THUMPD1: variants seen among roughly 807,000 people sequenced by gnomAD.
THUMPD1 encodes the protein THUMP domain 1 NAT10 acetyltransferase adaptor, also known as THUMP domain-containing protein 1.
In THUMPD1, 31 loss-of-function variants were observed where a neutral mutation model predicts 31.6. The observed-to-expected ratio is 0.98, with a 90% CI of 0.74 to 1.32. THUMPD1 has a LOEUF of 1.32. Ranked by LOEUF, THUMPD1 falls within the 40% of genes most tolerant of loss-of-function variation. THUMPD1 has a pLI of 0.00. For missense variants in THUMPD1, 446 were observed against 427.8 expected (o/e 1.04, Z -0.38); for synonymous variants, 166 against 158.2 (o/e 1.05, Z -0.37).
Position 20,734,368 on chromosome 16 carries a change from T to A in THUMPD1, c.*2512A>T, listed in dbSNP as rs1342700462. The A allele has an allele frequency of 6.6e-6, 1 of 152,596 alleles. No individual in the cohort carries two copies. Among genetic ancestry groups the A allele is most frequent in the Non-Finnish European group, 1.5e-5 (1 of 68,016 alleles). The allele number at this position is 152,596 out of a possible 1,614,324, so 9.5% of individuals were successfully genotyped here. A position where few individuals can be genotyped will look rare whatever the true frequency, so the allele number is the denominator to read the frequency against. ...ATATTAATAATCCTCTTATCAATCA[T>A]TGCAAGGTAACTTCAATGTCATTAA... On this transcript the variant is annotated 3_prime_UTR_variant, in exon 4 of 4. Coordinates refer to ENST00000396083, the MANE Select transcript of THUMPD1 (RefSeq NM_017736.5).
At chr16:20,738,465 G>A (rs2152418742) in intron 2 of THUMPD1, among the ~76,000 whole-genome samples, 1 of 152,236 alleles carries the variant, frequency 6.6e-6, no homozygotes. Flanking sequence ...GCTGCAACTT[G>A]CCTACATACA....
chr16:20,740,055 C>G (rs573062174), intron 1 of THUMPD1, among the ~76,000 whole-genome samples: 1 of 152,210 alleles, frequency 6.6e-6, no homozygotes, highest in Admixed American at 6.5e-5. Flanking sequence ...AATTAAAAAC[C>G]CTTACTCTTG....
intron 2 of THUMPD1, chr16:20,738,336 A>G: frequency 2.4e-6 from 1 of 411,606 alleles, no homozygotes; most frequent in Non-Finnish European, 4.7e-6. Context: ...AAATTCTGTG[A>G]GTCACTTTAA....
In THUMPD1 at chr16:20,741,541, C is replaced by T; in HGVS notation, c.199G>A (p.Glu67Lys). Residue 67 changes from glutamate (E) to lysine (K), a missense_variant, in exon 1 of 4, where the codon GAA becomes AAA. Transcript: ENST00000396083. ...CVEEAYSLLN[E>K]YGDDMYGPEK... Reference sequence around the variant, plus strand: ...GGCCCATACATGTCGTCGCCGTATTCGTTGAGGAGGCTGTAGGCCTCCTCC... The same window carrying T: ...GGCCCATACATGTCGTCGCCGTATTTGTTGAGGAGGCTGTAGGCCTCCTCC... The T allele has an allele frequency of 7.4e-7, 1 of 1,347,384 alleles. No individual in the cohort carries two copies. The highest frequency in any genetic ancestry group is 9.8e-7 in the Non-Finnish European group (1 of 1,022,104). The allele number at this position is 1,347,384 out of a possible 1,614,324, so 83.5% of individuals were successfully genotyped here.
rs992054000 is a variant in THUMPD1, at chr16:20,741,752, CTG to C, written c.-15_-14del. The C allele has an allele frequency of 3.8e-6, 6 of 1,560,356 alleles. No individual in the cohort carries two copies. In the African/African-American group the frequency reaches 8.1e-5, roughly 21 times the overall value. On this transcript the variant is annotated 5_prime_UTR_variant, in exon 1 of 4. Coordinates refer to ENST00000396083, the MANE Select transcript of THUMPD1 (RefSeq NM_017736.5). ...CAGGGGCCGCCATGGTGTGCGCAAACTGAGAGGAAAGAGAAACGTTTCTCCGC... is the reference window on the plus strand; with the variant it reads ...CAGGGGCCGCCATGGTGTGCGCAAACAGAGGAAAGAGAAACGTTTCTCCGC...
In THUMPD1 at chr16:20,735,254, T is replaced by C. The variant is rs2079858895; in HGVS notation, c.*1626A>G. On this transcript the variant is annotated 3_prime_UTR_variant, in exon 4 of 4. Coordinates refer to ENST00000396083, the MANE Select transcript of THUMPD1 (RefSeq NM_017736.5). ...CAAAAGCTGGCTGTTTTATTGTAAG[T>C]ACTCTGGCAATTCACCTTTCAATTC... The C allele has an allele frequency of 6.6e-6, 1 of 152,200 alleles. No homozygotes were observed. Among genetic ancestry groups the C allele is most frequent in the Non-Finnish European group, 1.5e-5 (1 of 68,030 alleles). The allele number at this position is 152,200 out of a possible 1,614,324, so 9.4% of individuals were successfully genotyped here. A position where few individuals can be genotyped will look rare whatever the true frequency, so the allele number is the denominator to read the frequency against.
rs556024282 is a variant in THUMPD1 at position 20,741,506 on chromosome 16, T to G, written c.231+3A>C. On this transcript the variant is annotated splice_donor_region_variant and intron_variant, in intron 1 of 3. Transcript: ENST00000396083. ...GCCCGCCCGCCCACCCCGGGACCGG[T>G]ACCTTTTCTGGCCCATACATGTCGT... The G allele has an allele frequency of 9.2e-6, 3 of 327,658 alleles. No individual in the cohort carries two copies. The highest frequency in any genetic ancestry group is 2.6e-5 in the South Asian group (1 of 39,066). 20.3% of individuals were successfully genotyped at this position (327,658 alleles called of 1,614,324 possible). A position where few individuals can be genotyped will look rare whatever the true frequency, so the allele number is the denominator to read the frequency against.
At chr16:20,740,881 C>T (rs1214653580) in intron 1 of THUMPD1, among the ~76,000 whole-genome samples, 1 of 152,188 alleles carries the variant, frequency 6.6e-6, no homozygotes, top group Non-Finnish European at 1.5e-5. Context: ...CAGGTAAACA[C>T]ATTATTACTC....
chr16:20,738,895 A>C lies in THUMPD1; in HGVS notation c.406+2T>G. The C allele has an allele frequency of 6.2e-7, 1 of 1,614,026 alleles. No homozygotes were observed. Among genetic ancestry groups the C allele is most frequent in the South Asian group, 1.1e-5 (1 of 91,064 alleles). On this transcript the variant is annotated splice_donor_variant, in intron 2 of 3. Coordinates refer to ENST00000396083, the MANE Select transcript of THUMPD1 (RefSeq NM_017736.5). LOFTEE classifies it high-confidence loss of function. The stretch of plus-strand genomic sequence containing the variant: ...GATAATCTTAGCAAGTATTTGTCAC[A>C]CCTATCCCAAGTGTCCTGATGAAGA...
intron 1 of THUMPD1, 143 bp downstream of exon 1, chr16:20,741,366 G>T: frequency 9.3e-7 from 1 of 1,070,878 alleles, no homozygotes; most frequent in Non-Finnish European, 1.3e-6. Flanking sequence ...ACTAGGGACG[G>T]AAACGCCGGC....
rs961802683 is a variant in THUMPD1, at chr16:20,735,768, T to G, written c.*1112A>C. 6.6e-6 allele frequency: 1 copy of G among 152,240 alleles called. No individual in the cohort carries two copies. Among genetic ancestry groups the G allele is most frequent in the Non-Finnish European group, 1.5e-5 (1 of 68,040 alleles). The allele number at this position is 152,240 out of a possible 1,614,324, so 9.4% of individuals were successfully genotyped here. On this transcript the variant is annotated 3_prime_UTR_variant, in exon 4 of 4. Coordinates refer to ENST00000396083, the MANE Select transcript of THUMPD1 (RefSeq NM_017736.5). Reference sequence around the variant, plus strand: ...AAACCTGTTGACTCATCATCCTGGATAGAGAAGCTGCTACTTTTCAGTTAA... The same window carrying G: ...AAACCTGTTGACTCATCATCCTGGAGAGAGAAGCTGCTACTTTTCAGTTAA...
intron 1 of THUMPD1, 30 bp downstream of exon 1, chr16:20,741,479 C>CTGGGGG: frequency 7.5e-7 from 1 of 1,329,524 alleles, no homozygotes. Context: ...GCCTGGCAGC[C>CTGGGGG]GGCCCGCCCG....
At chr16:20,739,188 T>C (rs2079896555) in intron 1 of THUMPD1, 117 bp from the exon 2 acceptor site, 1 of 1,070,752 alleles carries the variant, frequency 9.3e-7, no homozygotes, top group Non-Finnish European at 1.3e-6. Flanking sequence ...TTTTTTTTTT[T>C]TTCTAAAGAT....
intron 3 of THUMPD1, 50 bp from the exon 4 acceptor site, chr16:20,737,336 TGATA>T (rs764770754): frequency 3.9e-6 from 6 of 1,523,052 alleles, no homozygotes; most frequent in South Asian, 1.3e-5. Context: ...CCATTACATC[TGATA>T]GATACAAAAA....
At chr16:20,741,383 A>G in intron 1 of THUMPD1, 126 bp downstream of exon 1, 1 of 1,219,124 alleles carries the variant, frequency 8.2e-7, no homozygotes, top group Non-Finnish European at 1.1e-6. Flanking sequence ...CGGCGAGGCC[A>G]CGCCCCTACA....
chr16:20,739,190 T>TC, intron 1 of THUMPD1, 119 bp from the exon 2 acceptor site: 1 of 860,378 alleles, frequency 1.2e-6, no homozygotes, highest in Non-Finnish European at 1.7e-6. Flanking sequence ...TTTTTTTTTT[T>TC]CTAAAGATGG....
Position 20,737,872 on chromosome 16 carries a change from G to A in THUMPD1, c.491C>T (p.Pro164Leu). The A allele has an allele frequency of 6.2e-7, 1 of 1,613,670 alleles. No individual in the cohort carries two copies. The highest frequency in any genetic ancestry group is 8.5e-7 in the Non-Finnish European group (1 of 1,179,876). The stretch of plus-strand genomic sequence containing the variant: ...AAAAGCCTTGCATGTGCCTGAGATG[G>A]GTAACATTCGCAAAATAACTCGAGT... ...KKTRVILRML[P>L]ISGTCKAFLE... is the part of the protein sequence containing the mutation. Residue 164 changes from proline (P) to leucine (L), a missense_variant, in exon 3 of 4, where the codon CCC becomes CTC. Transcript: ENST00000396083.
At position 20,741,810 on chromosome 16, in the gene THUMPD1, C is replaced by T. The variant is rs1341255010; in HGVS notation, c.-71G>A. ...TTGGCGTCCTCGTCTATCGCCGGCG[C>T]GAACTGGTGACGTCGGATATGAGCG... On this transcript the variant is annotated 5_prime_UTR_variant, in exon 1 of 4. Coordinates refer to ENST00000396083, the MANE Select transcript of THUMPD1 (RefSeq NM_017736.5). The T allele has an allele frequency of 6.5e-7, 1 of 1,543,110 alleles. No individual in the cohort carries two copies. The highest frequency in any genetic ancestry group is 2.4e-5 in the East Asian group (1 of 40,912).
Position 20,736,632 on chromosome 16 carries a change from C to T in THUMPD1, c.*248G>A, listed in dbSNP as rs976948223. 6.9e-6 allele frequency: 3 copies of T among 437,142 alleles called. No individual in the cohort carries two copies. Among genetic ancestry groups the T allele is most frequent in the African/African-American group, 5.9e-5 (3 of 51,038 alleles). 27.1% of individuals were successfully genotyped at this position (437,142 alleles called of 1,614,324 possible). ...AGAAGAGGAGCCTGGGAGAGGCCAA[C>T]ATCCCCCTCCTATCCTCCCCTCTTT... On this transcript the variant is annotated 3_prime_UTR_variant, in exon 4 of 4. Coordinates refer to ENST00000396083, the MANE Select transcript of THUMPD1 (RefSeq NM_017736.5).
Sources: gnomAD v4.1 joint callset for allele counts (sites outside exome capture counted in the v4.1 genomes callset) on GRCh38, gnomAD v4.1.1 for gene constraint, MANE v1.5 for transcripts, NCBI Gene and HGNC (gene_info 2026-07-23, HGNC 2026-07-21) for gene names.